The following SPECC1 variants were observed in gnomAD, a reference collection of about 807,000 sequenced individuals.
The protein encoded by SPECC1 is sperm antigen with calponin homology and coiled-coil domains 1.
Under a neutral mutation model 104.1 loss-of-function variants are expected in SPECC1, and 62 were observed. The ratio of observed to expected loss-of-function variants is 0.60; its 90% CI spans 0.49 to 0.74. The LOEUF is 0.74. Among genes scored for constraint, SPECC1 ranks in the 30% least tolerant of loss-of-function variants. The probability of loss-of-function intolerance (pLI) is 0.00; values close to 1 mark genes in which losing one functional copy is unlikely to be tolerated. For synonymous variants in SPECC1, 513 were observed against 501.6 expected (o/e 1.02, Z -0.30); for missense variants, 1,306 against 1,310.5 (o/e 1.00, Z 0.05).
chr17:20,220,614 C>A (rs1380415129), intron 4 of SPECC1, among the ~76,000 whole-genome samples: 1 of 129,244 alleles, frequency 7.7e-6, no homozygotes, highest in Non-Finnish European at 1.6e-5. Flanking sequence ...CAAGTCATAT[C>A]ATCTGCAAAC....
At chr17:20,249,959 C>T (rs1174403029) in intron 9 of SPECC1, among the ~76,000 whole-genome samples, 1 of 151,760 alleles carries the variant, frequency 6.6e-6, no homozygotes, top group Non-Finnish European at 1.5e-5. Context: ...CAATAAGAAC[C>T]CCAAGTGAGA....
At chr17:20,051,740 C>A (rs751248834) in intron 1 of SPECC1, among the ~76,000 whole-genome samples, 2 of 151,922 alleles carry the variant, frequency 1.3e-5, no homozygotes, top group South Asian at 4.2e-4. Context: ...AATAAGTTGT[C>A]AGGATGTGAT....
At position 20,113,921 on chromosome 17, in the gene SPECC1, A is replaced by G. The variant is rs559539819; in HGVS notation, c.283+3359A>G. Among the ~76,000 whole-genome samples, 18 of 152,356 alleles carry G rather than the reference A, an allele frequency of 1.2e-4. 1 individual carries two copies. The highest frequency in any genetic ancestry group is 3.8e-4 in the African/African-American group (16 of 41,586). ...ATACCAAATAGTTTTACATAGGGCCATCTTAGAAATAGATATTAAATCCAG... is the reference window on the plus strand; with the variant it reads ...ATACCAAATAGTTTTACATAGGGCCGTCTTAGAAATAGATATTAAATCCAG... On this transcript the variant is annotated intron_variant, in intron 3 of 14. Transcript: ENST00000395527.
intron 3 of SPECC1, among the ~76,000 whole-genome samples, chr17:20,187,500 A>T (rs543679926): frequency 1.6e-4 from 24 of 152,308 alleles, no homozygotes; most frequent in Non-Finnish European, 3.4e-4. Context: ...GTACCATCAC[A>T]TAGCCATGAG....
At chr17:20,091,151 G>C (rs924268272) in intron 1 of SPECC1, among the ~76,000 whole-genome samples, 3 of 152,092 alleles carry the variant, frequency 2.0e-5, no homozygotes, top group African/African-American at 7.2e-5. Flanking sequence ...TTTTTCTTCT[G>C]ATGCTGTATG....
chr17:20,126,395 T>C (rs370588053), intron 3 of SPECC1: 4 of 152,208 alleles, frequency 2.6e-5, no homozygotes, highest in African/African-American at 9.6e-5. Context: ...TTCTAACATA[T>C]GGACTATTTC....
chr17:20,040,629 C>T (rs2045286026), intron 1 of SPECC1, among the ~76,000 whole-genome samples: 1 of 152,174 alleles, frequency 6.6e-6, no homozygotes, highest in Non-Finnish European at 1.5e-5. Context: ...TTTCTTTCAG[C>T]ACTTGAAAAC....
chr17:20,148,992 G>A (rs2031734827), intron 3 of SPECC1, among the ~76,000 whole-genome samples: 1 of 152,170 alleles, frequency 6.6e-6, no homozygotes, highest in Admixed American at 6.5e-5. Flanking sequence ...AAAGTGCTGG[G>A]ATTACAGGGG....
intron 2 of SPECC1, among the ~76,000 whole-genome samples, chr17:20,102,151 G>T (rs1196762201): frequency 6.6e-6 from 1 of 152,224 alleles, no homozygotes; most frequent in Non-Finnish European, 1.5e-5. Context: ...AAAAAATGCA[G>T]TGGTGAATAG....
intron 3 of SPECC1, among the ~76,000 whole-genome samples, chr17:20,196,751 A>G (rs2036063268): frequency 1.3e-5 from 2 of 152,362 alleles, no homozygotes; most frequent in South Asian, 4.1e-4. Context: ...CCCAGGCCTT[A>G]TCTAGAATCT....
At chr17:20,194,782 G>A (rs1274115327) in intron 3 of SPECC1, among the ~76,000 whole-genome samples, 1 of 151,968 alleles carries the variant, frequency 6.6e-6, no homozygotes, top group African/African-American at 2.4e-5. Context: ...GGGATTACAG[G>A]TGTGAGCCAC....
chr17:20,165,238 C>A (rs956288667), intron 3 of SPECC1, among the ~76,000 whole-genome samples: 6 of 152,072 alleles, frequency 3.9e-5, no homozygotes, highest in African/African-American at 1.4e-4. Flanking sequence ...GTGTTGTTCC[C>A]CCCACCCCCT....
intron 1 of SPECC1, among the ~76,000 whole-genome samples, chr17:20,015,103 T>C (rs560753482): frequency 6.6e-6 from 1 of 152,228 alleles, no homozygotes; most frequent in Non-Finnish European, 1.5e-5. Flanking sequence ...TGCTCAGCAT[T>C]TGGTAGTCCG....
intron 1 of SPECC1, among the ~76,000 whole-genome samples, chr17:20,010,952 C>T (rs1039691560): frequency 3.9e-5 from 6 of 152,198 alleles, no homozygotes; most frequent in African/African-American, 1.4e-4. Context: ...AGATTTTCGT[C>T]TTAAAATTGT....
At chr17:20,201,553 T>A (rs2036435434) in intron 3 of SPECC1, among the ~76,000 whole-genome samples, 1 of 152,178 alleles carries the variant, frequency 6.6e-6, no homozygotes, top group Admixed American at 6.5e-5. Flanking sequence ...AATGCCAGTG[T>A]GATGATCAGT....
At chr17:20,180,462 C>A (rs1031208280) in intron 3 of SPECC1, among the ~76,000 whole-genome samples, 1 of 152,164 alleles carries the variant, frequency 6.6e-6, no homozygotes, top group Non-Finnish European at 1.5e-5. Flanking sequence ...ATGCATAGAA[C>A]AAACACCAGG....
intron 1 of SPECC1, among the ~76,000 whole-genome samples, chr17:20,023,817 A>T (rs992017242): frequency 6.6e-6 from 1 of 152,096 alleles, no homozygotes; most frequent in Non-Finnish European, 1.5e-5. Context: ...AATAAAAAAA[A>T]AAAACATGGA....
chr17:20,119,025 C>A (rs1363148612), intron 3 of SPECC1, among the ~76,000 whole-genome samples: 1 of 152,062 alleles, frequency 6.6e-6, no homozygotes, highest in Non-Finnish European at 1.5e-5. Flanking sequence ...CTTTATTTGT[C>A]AAAGGAAGGA....
At chr17:20,117,280 T>G (rs1047361431) in intron 3 of SPECC1, among the ~76,000 whole-genome samples, 3 of 152,074 alleles carry the variant, frequency 2.0e-5, no homozygotes, top group African/African-American at 7.2e-5. Flanking sequence ...AAAATGAAAC[T>G]GCAAGACTAC....
Sources: gnomAD v4.1 joint callset for allele counts (sites outside exome capture counted in the v4.1 genomes callset) on GRCh38, gnomAD v4.1.1 for gene constraint, MANE v1.5 for transcripts, NCBI Gene and HGNC (gene_info 2026-07-23, HGNC 2026-07-21) for gene names.